The following CACNA1C variants were observed in gnomAD, a reference collection of about 807,000 sequenced individuals.
The protein encoded by CACNA1C is calcium voltage-gated channel subunit alpha1 C.
In CACNA1C, 30 loss-of-function variants were observed where a neutral mutation model predicts 229.0. The ratio of observed to expected loss-of-function variants is 0.13; its 90% CI spans 0.10 to 0.18. The LOEUF is 0.18. CACNA1C is among the 10% of genes least tolerant of loss of function. CACNA1C has a pLI of 1.00. For missense variants in CACNA1C, 1,658 were observed against 2,845.0 expected, an observed-to-expected ratio of 0.58 and a Z score of 9.49; for synonymous variants, 1,114 against 1,132.5, an observed-to-expected ratio of 0.98 and a Z score of 0.33.
At chr12:2,118,901 T>C (rs1172605264) in intron 2 of CACNA1C, among the ~76,000 whole-genome samples, 1 of 152,210 alleles carries the variant, frequency 6.6e-6, no homozygotes, top group Non-Finnish European at 1.5e-5. Context: ...TTTTTTGATA[T>C]CAAGGTGGAC....
At chr12:2,450,870 C>T (rs1215146319) in intron 4 of CACNA1C, among the ~76,000 whole-genome samples, 1 of 152,110 alleles carries the variant, frequency 6.6e-6, no homozygotes, top group African/African-American at 2.4e-5. Context: ...CCAGAGCACC[C>T]GCCGTTCACC....
intron 9 of CACNA1C, among the ~76,000 whole-genome samples, chr12:2,519,753 G>C (rs980629443): frequency 6.6e-6 from 1 of 152,182 alleles, no homozygotes; most frequent in Non-Finnish European, 1.5e-5. Flanking sequence ...ACCCATGGGC[G>C]AGGTCCTGTG....
At chr12:2,192,083 CAT>C (rs528137717) in intron 3 of CACNA1C, among the ~76,000 whole-genome samples, 99 of 152,226 alleles carry the variant, frequency 6.5e-4, no homozygotes, top group African/African-American at 1.2e-3. Flanking sequence ...CACACACACA[CAT>C]GCACGCACAT....
At chr12:2,004,543 G>C (rs2043003037) in intron 1 of CACNA1C, 2 of 1,456,620 alleles carry the variant, frequency 1.4e-6, no homozygotes, top group Admixed American at 2.3e-5. Flanking sequence ...CACGGCCCGG[G>C]AGGCCTTCCG....
rs141816422 is a variant in CACNA1C at position 2,212,012 on chromosome 12, C to T, written c.477+91582C>T. On this transcript the variant is annotated intron_variant, in intron 3 of 46. Transcript: ENST00000399655. ...CTGGGATTATAGGCATGAGCCACCG[C>T]GCCCGGCCTCTTTCTGCTACCTTTA... Among the ~76,000 whole-genome samples the T allele has an allele frequency of 2.2e-3, 334 of 152,282 alleles. 1 individual carries two copies. Among genetic ancestry groups the T allele is most frequent in the African/African-American group, 7.4e-3 (306 of 41,554 alleles).
chr12:2,303,195 T>C (rs2094715281), intron 3 of CACNA1C, among the ~76,000 whole-genome samples: 1 of 152,146 alleles, frequency 6.6e-6, no homozygotes, highest in Admixed American at 6.5e-5. Flanking sequence ...GGAAAATGAG[T>C]GAGGAAACCT....
intron 2 of CACNA1C, among the ~76,000 whole-genome samples, chr12:2,118,360 ACTTTCCT>A (rs2084949678): frequency 6.6e-6 from 1 of 152,198 alleles, no homozygotes; most frequent in Non-Finnish European, 1.5e-5. Flanking sequence ...GCTCGGTGTC[ACTTTCCT>A]AAGCAGGCGA....
chr12:2,375,560 C>G (rs1009040382), intron 3 of CACNA1C, among the ~76,000 whole-genome samples: 12 of 152,172 alleles, frequency 7.9e-5, no homozygotes, highest in African/African-American at 2.7e-4. Context: ...CCTTGATGAT[C>G]AGATGTTTCT....
At chr12:2,645,637 C>G (rs1012600987) in intron 30 of CACNA1C, among the ~76,000 whole-genome samples, 1 of 152,184 alleles carries the variant, frequency 6.6e-6, no homozygotes. Flanking sequence ...CCCAGGGCAT[C>G]AGTAGACCTC....
intron 3 of CACNA1C, among the ~76,000 whole-genome samples, chr12:2,265,929 A>G (rs995663744): frequency 5.9e-5 from 9 of 152,302 alleles, no homozygotes; most frequent in African/African-American, 1.4e-4. Flanking sequence ...TTATCTCAGC[A>G]TCTCTGCCCC....
In CACNA1C at chr12:2,693,900, C is replaced by G. The variant is rs1241967061; in HGVS notation, c.*2701C>G. The G allele has an allele frequency of 6.6e-6, 1 of 152,202 alleles. No individual in the cohort carries two copies. The highest frequency in any genetic ancestry group is 1.5e-5 in the Non-Finnish European group (1 of 68,054). 9.4% of individuals were successfully genotyped at this position (152,202 alleles called of 1,614,324 possible). ...GCTAGAAATTACAATAAGGGACAGTCCATTCCTCTATGACAGCTTGCTGGA... is the reference window on the plus strand; with the variant it reads ...GCTAGAAATTACAATAAGGGACAGTGCATTCCTCTATGACAGCTTGCTGGA... On this transcript the variant is annotated 3_prime_UTR_variant, in exon 47 of 47. Coordinates refer to ENST00000399655, the MANE Select transcript of CACNA1C (RefSeq NM_000719.7).
chr12:1,996,649 AAAAAAACAAC>A lies in CACNA1C; in HGVS notation c.139+25452_139+25461del, dbSNP rs1401227639. Among the ~76,000 whole-genome samples, 178 of 46,864 alleles carry A rather than the reference AAAAAAACAAC, an allele frequency of 3.8e-3. 14 individuals are homozygous for A. The highest frequency in any genetic ancestry group is 0.027 in the Middle Eastern group (3 of 112). 30.7% of individuals were successfully genotyped at this position (46,864 alleles called of 152,430 possible). The stretch of plus-strand genomic sequence containing the variant: ...AAAAAAAAAAAAAAAAAAAAAAAAA[AAAAAAACAAC>A]AAACTCTTCTAATGTTTTAAAGAAG... On this transcript the variant is annotated intron_variant, in intron 1 of 46. Transcript: ENST00000682462.
At chr12:2,142,979 T>A (rs2094398593) in intron 3 of CACNA1C, among the ~76,000 whole-genome samples, 1 of 151,036 alleles carries the variant, frequency 6.6e-6, no homozygotes, top group Non-Finnish European at 1.5e-5. Flanking sequence ...CTTTAAATTT[T>A]TTTTTTTGTT....
chr12:2,256,207 G>A (rs2077693321), intron 3 of CACNA1C, among the ~76,000 whole-genome samples: 1 of 152,072 alleles, frequency 6.6e-6, no homozygotes, highest in Non-Finnish European at 1.5e-5. Context: ...TGGAGGCTAA[G>A]CCCAGGAATC....
intron 3 of CACNA1C, among the ~76,000 whole-genome samples, chr12:2,220,058 A>T (rs1464410963): frequency 6.6e-6 from 1 of 152,252 alleles, no homozygotes; most frequent in Non-Finnish European, 1.5e-5. Context: ...TCCTGCATCC[A>T]GAATCAGCAC....
chr12:2,207,639 G>A (rs774174727), intron 3 of CACNA1C, among the ~76,000 whole-genome samples: 2 of 151,864 alleles, frequency 1.3e-5, no homozygotes, highest in African/African-American at 4.8e-5. Context: ...GCAACACCTC[G>A]TCTCTACAAA....
chr12:2,147,073 T>C (rs1466390736), intron 3 of CACNA1C, among the ~76,000 whole-genome samples: 1 of 151,230 alleles, frequency 6.6e-6, no homozygotes, highest in Non-Finnish European at 1.5e-5. Flanking sequence ...CCATACTAGC[T>C]CTATCCTTTC....
chr12:2,021,028 C>T (rs1241447642), intron 1 of CACNA1C, among the ~76,000 whole-genome samples: 2 of 152,188 alleles, frequency 1.3e-5, no homozygotes, highest in African/African-American at 4.8e-5. Flanking sequence ...AATATCTACA[C>T]GTCAACTATT....
intron 34 of CACNA1C, among the ~76,000 whole-genome samples, chr12:2,657,898 G>A (rs1185303090): frequency 1.3e-5 from 2 of 152,006 alleles, no homozygotes; most frequent in Non-Finnish European, 2.9e-5. Context: ...TTGATAAAAG[G>A]TATAATCCAT....
Sources: gnomAD v4.1 joint callset for allele counts (sites outside exome capture counted in the v4.1 genomes callset) on GRCh38, gnomAD v4.1.1 for gene constraint, MANE v1.5 for transcripts, NCBI Gene and HGNC (gene_info 2026-07-23, HGNC 2026-07-21) for gene names.